Variants in ZCCHC2 observed in about 807,000 individuals in gnomAD.
ZCCHC2 encodes the protein zinc finger CCHC-type containing 2.
ZCCHC2 carries 39 observed loss-of-function variants against 103.6 expected under a neutral mutation model. That is an observed-to-expected ratio of 0.38 (90% CI 0.29 to 0.49). The LOEUF is 0.49. Among genes scored for constraint, ZCCHC2 ranks in the 20% least tolerant of loss-of-function variants. The pLI is 0.96. For synonymous variants in ZCCHC2, 687 were observed against 608.9 expected (o/e 1.13, Z -1.89); for missense variants, 1,483 against 1,491.0 (o/e 0.99, Z 0.09).
At chr18:62,557,068 A>G (rs1461917243) in intron 6 of ZCCHC2, among the ~76,000 whole-genome samples, 1 of 152,144 alleles carries the variant, frequency 6.6e-6, no homozygotes, top group African/African-American at 2.4e-5. Context: ...AGCCCATTAA[A>G]ATCACACCTG....
chr18:62,524,546 CCCCCA>C (rs973404617), intron 1 of ZCCHC2, 183 bp downstream of exon 1: 44 of 947,154 alleles, frequency 4.6e-5, no homozygotes, highest in African/African-American at 3.9e-4. Flanking sequence ...CCGTTCCACT[CCCCCA>C]CCCCACCCCA....
At chr18:62,528,739 C>T (rs1037048968) in intron 1 of ZCCHC2, among the ~76,000 whole-genome samples, 1 of 152,046 alleles carries the variant, frequency 6.6e-6, no homozygotes, top group Non-Finnish European at 1.5e-5. Context: ...TTAACATCAA[C>T]GATGCTACTT....
chr18:62,544,802 G>A lies in ZCCHC2; in HGVS notation c.1129G>A (p.Val377Ile), dbSNP rs1486477861. 3 of 1,538,716 alleles carry A rather than the reference G, an allele frequency of 1.9e-6. No individual in the cohort carries two copies. Among genetic ancestry groups the A allele is most frequent in the Non-Finnish European group, 1.7e-6 (2 of 1,143,780 alleles). ...AATATGTGTGTTTTTTTTAAATCAG[G>A]TAAATTGGTCTGATCTTTCAGTCAC... Reference protein sequence around the residue: ...ADKYWEYTFKVNWSDLSVTTV... With the variant: ...ADKYWEYTFKINWSDLSVTTV... Residue 377 changes from valine to isoleucine, a missense_variant and splice_region_variant, in exon 4 of 14, where the codon GTA becomes ATA. By Grantham distance (29) the Val-to-Ile change is conservative. This residue lies in a region of ZCCHC2 where 568 missense variants were observed against 525.1 expected (regional missense o/e 1.08). Coordinates refer to ENST00000269499, the MANE Select transcript of ZCCHC2 (RefSeq NM_017742.6).
At chr18:62,538,296 A>G (rs758705808) in intron 1 of ZCCHC2, among the ~76,000 whole-genome samples, 2 of 150,914 alleles carry the variant, frequency 1.3e-5, no homozygotes, top group African/African-American at 4.9e-5. Flanking sequence ...TGGTTAACCT[A>G]TTCACCCAAG....
chr18:62,574,972 A>G lies in ZCCHC2; in HGVS notation c.2891A>G (p.His964Arg). Residue 964 changes from histidine (H) to arginine (R), a missense_variant, in exon 13 of 14, where the codon CAC (histidine) becomes CGC (arginine). This residue lies in a region of ZCCHC2 where 884 missense variants were observed against 907.5 expected (regional missense o/e 0.97). Transcript: ENST00000269499. ...QATVPPAVPTHTPGPAPSPSP... is the reference protein window; with the variant it reads ...QATVPPAVPTRTPGPAPSPSP... Reference sequence around the variant, plus strand: ...ACTGTTCCTCCTGCAGTTCCTACCCACACCCCAGGCCCTGCCCCGAGCCCA... The same window carrying G: ...ACTGTTCCTCCTGCAGTTCCTACCCGCACCCCAGGCCCTGCCCCGAGCCCA... The G allele has an allele frequency of 1.1e-5, 17 of 1,613,852 alleles. No homozygotes were observed. Among genetic ancestry groups the G allele is most frequent in the Non-Finnish European group, 1.4e-5 (17 of 1,179,864 alleles).
intron 8 of ZCCHC2, 22 bp downstream of exon 8, chr18:62,560,666 C>G (rs774036433): frequency 1.3e-6 from 2 of 1,593,208 alleles, no homozygotes; most frequent in Admixed American, 3.4e-5. Flanking sequence ...CTTTCTAAAA[C>G]AAAAAGTGCT....
chr18:62,538,274 AAAAG>A (rs1347823364), intron 1 of ZCCHC2, among the ~76,000 whole-genome samples: 2 of 151,514 alleles, frequency 1.3e-5, no homozygotes, highest in Non-Finnish European at 2.9e-5. Flanking sequence ...AAAAAAAAAA[AAAAG>A]AAAGAATTGG....
chr18:62,524,168 C>T lies in ZCCHC2; in HGVS notation c.744C>T (p.Gly248=), dbSNP rs761509884. The T allele has an allele frequency of 7.1e-6, 11 of 1,546,838 alleles. No individual in the cohort carries two copies. Among genetic ancestry groups the T allele is most frequent in the African/African-American group, 1.4e-5 (1 of 72,446 alleles). The change falls in exon 1 of 14, where the codon GGC becomes GGT. Residue 248 remains glycine, a synonymous_variant. Transcript: ENST00000269499. ...GCGGCATTGTGGAGCCCCGGGTCGG[C>T]GGCGGGCTTGGCTCCAGGGCCCAGG... ...PEGGIVEPRV[G]GGLGSRAQEE... is the part of the protein sequence containing the mutation.
downstream of ZCCHC2, among the ~76,000 whole-genome samples, chr18:62,582,909 G>A (rs1349361512): frequency 6.6e-6 from 1 of 152,094 alleles, no homozygotes; most frequent in Non-Finnish European, 1.5e-5. Flanking sequence ...TTCAAGACCA[G>A]CCTGGGCAAC....
At chr18:62,560,045 A>T (rs1054976858) in intron 7 of ZCCHC2, among the ~76,000 whole-genome samples, 4 of 152,258 alleles carry the variant, frequency 2.6e-5, no homozygotes, top group Non-Finnish European at 4.4e-5. Flanking sequence ...TAATGTGTTT[A>T]TGAGCACACA....
intron 1 of ZCCHC2, among the ~76,000 whole-genome samples, chr18:62,538,279 A>G (rs1915019117): frequency 6.8e-6 from 1 of 146,924 alleles, no homozygotes; most frequent in African/African-American, 2.5e-5. Flanking sequence ...AAAAAAAAAG[A>G]AAGAATTGGT....
chr18:62,563,137 C>G lies in ZCCHC2; in HGVS notation c.1679C>G (p.Ala560Gly). The G allele has an allele frequency of 6.2e-7, 1 of 1,612,976 alleles. No individual in the cohort carries two copies. Among genetic ancestry groups the G allele is most frequent in the East Asian group, 2.2e-5 (1 of 44,856 alleles). ...IQHPEHCVTS[A>G]DQHSAEKRSL... ...CACCCAGAGCACTGTGTGACCTCGGCTGACCAGGTGTGTGGGGAGTTTGTT... is the reference window on the plus strand; with the variant it reads ...CACCCAGAGCACTGTGTGACCTCGGGTGACCAGGTGTGTGGGGAGTTTGTT... The change falls in exon 9 of 14, where the codon GCT becomes GGT. Residue 560 changes from alanine to glycine, a missense_variant. Ala to Gly is a moderately conservative substitution (Grantham distance 60). Around this residue, in one of 3 missense-constraint regions of ZCCHC2, gnomAD observed 884 missense variants for 907.5 expected, o/e 0.97. Transcript: ENST00000269499.
chr18:62,573,954 T>A, intron 12 of ZCCHC2, 103 bp from the exon 13 acceptor site: 1 of 1,250,738 alleles, frequency 8.0e-7, no homozygotes. Context: ...AGAGGGACAC[T>A]TTCCAAACTT....
intron 1 of ZCCHC2, among the ~76,000 whole-genome samples, chr18:62,529,927 A>G (rs767989655): frequency 4.6e-5 from 7 of 152,252 alleles, no homozygotes; most frequent in Non-Finnish European, 7.3e-5. Context: ...CTTGTAATCC[A>G]AAACAATACA....
At chr18:62,548,757 A>G (rs1915529172) in intron 4 of ZCCHC2, among the ~76,000 whole-genome samples, 1 of 151,648 alleles carries the variant, frequency 6.6e-6, no homozygotes, top group South Asian at 2.1e-4. Context: ...CCCATTCTCT[A>G]CTGAAAATAC....
Position 62,575,621 on chromosome 18 carries a change from T to C in ZCCHC2, c.3469+71T>C, listed in dbSNP as rs1916811622. 5 of 1,506,874 alleles carry C rather than the reference T, an allele frequency of 3.3e-6. No homozygotes were observed. In the East Asian group the frequency reaches 9.1e-5, roughly 27 times the overall value. The allele number at this position is 1,506,874 out of a possible 1,614,324, so 93.3% of individuals were successfully genotyped here. A position where few individuals can be genotyped will look rare whatever the true frequency, so the allele number is the denominator to read the frequency against. Reference sequence around the variant, plus strand: ...TTCTCCTTCCTTTCCTTATTGATCATGGGATTCTGTTGTAGCAGAAAGATC... The same window carrying C: ...TTCTCCTTCCTTTCCTTATTGATCACGGGATTCTGTTGTAGCAGAAAGATC... On this transcript the variant is annotated intron_variant, in intron 13 of 13. Coordinates refer to ENST00000269499, the MANE Select transcript of ZCCHC2 (RefSeq NM_017742.6).
In ZCCHC2 at chr18:62,550,389, C is replaced by T; in HGVS notation, c.1242C>T (p.Ile414=). 6.2e-7 allele frequency: 1 copy of T among 1,613,868 alleles called. No individual in the cohort carries two copies. Among genetic ancestry groups the T allele is most frequent in the Middle Eastern group, 1.6e-4 (1 of 6,062 alleles). ...ELSSETFDKT[I]LRALNQGSLK... is the part of the protein sequence containing the mutation. ...CTTCAGAGACTTTTGACAAGACCAT[C>T]TTAAGAGCCCTGAATCAGGGTTCCT... The change falls in exon 5 of 14, where the codon ATC becomes ATT. Residue 414 remains isoleucine, a synonymous_variant. Coordinates refer to ENST00000269499, the MANE Select transcript of ZCCHC2 (RefSeq NM_017742.6).
intron 9 of ZCCHC2, among the ~76,000 whole-genome samples, chr18:62,563,701 CTTCACTGT>C (rs1245733975): frequency 6.6e-6 from 1 of 152,084 alleles, no homozygotes; most frequent in Non-Finnish European, 1.5e-5. Context: ...AAAATAATAC[CTTCACTGT>C]TTAACAAAGG....
At chr18:62,575,774 A>G (rs892030252) in intron 13 of ZCCHC2, among the ~76,000 whole-genome samples, 2 of 152,234 alleles carry the variant, frequency 1.3e-5, no homozygotes, top group Non-Finnish European at 2.9e-5. Context: ...CAATTAAGGA[A>G]TAAACTCTAA....
Sources: gnomAD v4.1 joint callset for allele counts (sites outside exome capture counted in the v4.1 genomes callset) on GRCh38, gnomAD v4.1.1 for gene constraint, gnomAD v4.1.1 regional missense constraint, MANE v1.5 for transcripts, NCBI Gene and HGNC (gene_info 2026-07-23, HGNC 2026-07-21) for gene names.